PI4KA: variants seen among roughly 807,000 people sequenced by gnomAD.
The protein encoded by PI4KA is PI4-kinase alpha.
Under a neutral mutation model 271.4 loss-of-function variants are expected in PI4KA, and 122 were observed. That is an observed-to-expected ratio of 0.45 (90% CI 0.39 to 0.52). The LOEUF (loss-of-function observed/expected upper bound fraction) is 0.52, where lower values mean the gene tolerates loss of function less well. Among genes scored for constraint, PI4KA ranks in the 20% least tolerant of loss-of-function variants. The pLI is 0.00. For synonymous variants in PI4KA, 1,041 were observed against 1,078.8 expected (o/e 0.96, Z 0.69); for missense variants, 1,969 against 2,769.1 (o/e 0.71, Z 6.48).
chr22:20,797,143 A>C (rs1349499423), intron 17 of PI4KA, among the ~76,000 whole-genome samples: 1 of 152,216 alleles, frequency 6.6e-6, no homozygotes, highest in Non-Finnish European at 1.5e-5. Flanking sequence ...CAGCCACGGC[A>C]AAAGGCACTG....
chr22:20,765,868 C>T (rs1031727319), intron 19 of PI4KA, among the ~76,000 whole-genome samples, 175 bp from the exon 20 acceptor site: 3 of 152,208 alleles, frequency 2.0e-5, no homozygotes, highest in Admixed American at 6.5e-5. Context: ...TGTCCATCCA[C>T]TCATTTACTG....
chr22:20,750,091 C>T lies in PI4KA; in HGVS notation c.3154-97G>A. 2 of 770,148 alleles carry T rather than the reference C, an allele frequency of 2.6e-6. 1 individual carries two copies. The highest frequency in any genetic ancestry group is 4.6e-6 in the Non-Finnish European group (2 of 432,784). 47.7% of individuals were successfully genotyped at this position (770,148 alleles called of 1,614,324 possible). On this transcript the variant is annotated intron_variant, in intron 27 of 54. Coordinates refer to ENST00000255882, the MANE Select transcript of PI4KA (RefSeq NM_058004.4). ...GGCTGAACTATGTCTCCCCAAATCC[C>T]TATGCTGCGCCTTAACTGGTACCAG...
chr22:20,801,943 T>G, intron 14 of PI4KA, 30 bp downstream of exon 14: 1 of 1,612,204 alleles, frequency 6.2e-7, no homozygotes. Flanking sequence ...GGAGCACTGC[T>G]GTCTACTCGC....
intron 9 of PI4KA, among the ~76,000 whole-genome samples, chr22:20,808,589 CAAAA>C (rs361792): frequency 2.9e-5 from 3 of 104,612 alleles, no homozygotes; most frequent in Non-Finnish European, 6.1e-5. Flanking sequence ...GACTCCGTCT[CAAAA>C]AAAAAAAAAA....
At chr22:20,834,533 T>C (rs375060147) in intron 3 of PI4KA, 29 bp downstream of exon 3, 4 of 1,297,654 alleles carry the variant, frequency 3.1e-6, no homozygotes, top group East Asian at 2.3e-5. Flanking sequence ...TTTTCTCTTA[T>C]ATTCAGGGAA....
intron 32 of PI4KA, among the ~76,000 whole-genome samples, chr22:20,739,485 A>G (rs1037437481): frequency 4.6e-5 from 7 of 151,740 alleles, no homozygotes; most frequent in African/African-American, 1.4e-4. Context: ...AAAAAAAACA[A>G]AAGAAAAAAA....
At chr22:20,827,533 CTCT>C (rs1325819140) in intron 3 of PI4KA, among the ~76,000 whole-genome samples, 1 of 152,138 alleles carries the variant, frequency 6.6e-6, no homozygotes, top group Non-Finnish European at 1.5e-5. Context: ...GTTATTCAGG[CTCT>C]TTTTTGGTTC....
At chr22:20,714,933 C>G (rs1160435216) in intron 45 of PI4KA, among the ~76,000 whole-genome samples, 2 of 152,196 alleles carry the variant, frequency 1.3e-5, no homozygotes, top group Non-Finnish European at 2.9e-5. Context: ...AAGTCTGCAC[C>G]TTCTGGGAAA....
intron 8 of PI4KA, among the ~76,000 whole-genome samples, chr22:20,811,264 G>C (rs1477014257): frequency 1.3e-5 from 2 of 152,098 alleles, no homozygotes; most frequent in Admixed American, 1.3e-4. Flanking sequence ...AAAAACAAAG[G>C]AAAAAGGCCA....
chr22:20,825,069 C>CAAAAAA (rs362248), intron 3 of PI4KA, among the ~76,000 whole-genome samples: 12,598 of 76,884 alleles, frequency 0.16, 2,142 homozygotes, highest in African/African-American at 0.31. Context: ...GACGCCATCT[C>CAAAAAA]AAAAAAAAAA....
At chr22:20,804,913 G>T in intron 11 of PI4KA, 61 bp downstream of exon 11, 1 of 1,379,158 alleles carries the variant, frequency 7.3e-7, no homozygotes, top group Non-Finnish European at 1.0e-6. Context: ...GGAAACTTGT[G>T]GCAAGAAAGC....
At chr22:20,791,493 C>T (rs916595823) in intron 19 of PI4KA, among the ~76,000 whole-genome samples, 3 of 152,176 alleles carry the variant, frequency 2.0e-5, no homozygotes, top group Non-Finnish European at 4.4e-5. Flanking sequence ...TGGTGGTTCA[C>T]GCCTGTAATC....
chr22:20,818,645 G>A (rs1232697059), intron 6 of PI4KA, 96 bp from the exon 7 acceptor site: 4 of 868,146 alleles, frequency 4.6e-6, no homozygotes, highest in Non-Finnish European at 6.8e-6. Flanking sequence ...CCCAATGTTT[G>A]TACTTCAAGT....
intron 23 of PI4KA, among the ~76,000 whole-genome samples, chr22:20,755,185 C>G (rs545035560): frequency 6.6e-6 from 1 of 152,128 alleles, no homozygotes. Flanking sequence ...ATTACAGAAC[C>G]GTGGATGTTT....
intron 23 of PI4KA, among the ~76,000 whole-genome samples, chr22:20,760,733 G>A (rs1170944726): frequency 6.6e-6 from 1 of 152,078 alleles, no homozygotes; most frequent in Non-Finnish European, 1.5e-5. Context: ...ACATTTTTAT[G>A]CCTTCCTACA....
At chr22:20,807,003 G>A (rs1485681802) in intron 10 of PI4KA, among the ~76,000 whole-genome samples, 2 of 152,040 alleles carry the variant, frequency 1.3e-5, no homozygotes, top group African/African-American at 4.8e-5. Context: ...CCAAAGTGCT[G>A]GGATTATACG....
rs761153842 is a variant in PI4KA at position 20,711,360 on chromosome 22, C to G, written c.5904G>C (p.Lys1968Asn). Reference protein sequence around the residue: ...RHNGNIMLDKKGHIIHIDFGF... With the variant: ...RHNGNIMLDKNGHIIHIDFGF... ...GCTGACCGATGTGGATGATATGACC[C>G]TTCTTGTCCAGCATAATGTTGCCGT... Residue 1968 changes from lysine (K) to asparagine (N), a missense_variant, in exon 51 of 55, where the codon AAG (lysine) becomes AAC (asparagine). Coordinates refer to ENST00000255882, the MANE Select transcript of PI4KA (RefSeq NM_058004.4). 8 of 1,387,298 alleles carry G rather than the reference C, an allele frequency of 5.8e-6. No individual in the cohort carries two copies. The allele number at this position is 1,387,298 out of a possible 1,614,324, so 85.9% of individuals were successfully genotyped here.
At chr22:20,815,621 C>T (rs1360493883) in intron 7 of PI4KA, among the ~76,000 whole-genome samples, 1 of 152,082 alleles carries the variant, frequency 6.6e-6, no homozygotes, top group African/African-American at 2.4e-5. Flanking sequence ...AGGACGCAAA[C>T]CAGCAACTTA....
chr22:20,715,504 C>G (rs1925868503), intron 45 of PI4KA, among the ~76,000 whole-genome samples: 1 of 150,384 alleles, frequency 6.6e-6, no homozygotes, highest in Non-Finnish European at 1.5e-5. Flanking sequence ...AGACGGAGTC[C>G]TACTCTGTCG....
Sources: gnomAD v4.1 joint callset for allele counts (sites outside exome capture counted in the v4.1 genomes callset) on GRCh38, gnomAD v4.1.1 for gene constraint, MANE v1.5 for transcripts, NCBI Gene and HGNC (gene_info 2026-07-23, HGNC 2026-07-21) for gene names.